SETBP1: variants seen among roughly 807,000 people sequenced by gnomAD.
SETBP1 encodes SET-binding protein.
A neutral mutation model predicts 101.0 loss-of-function variants in SETBP1; 9 were observed. That is an observed-to-expected ratio of 0.09 (90% confidence interval 0.05 to 0.16). The LOEUF (loss-of-function observed/expected upper bound fraction) is 0.16. Ranked by LOEUF, SETBP1 falls within the 10% of genes least tolerant of loss-of-function variation. SETBP1 has a pLI of 1.00. For missense variants in SETBP1, 1,858 were observed against 2,033.8 expected (o/e 0.91, Z 1.66); for synonymous variants, 818 against 788.5 (o/e 1.04, Z -0.63).
intron 2 of SETBP1, among the ~76,000 whole-genome samples, chr18:44,841,880 C>G (rs2072624720): frequency 5.3e-5 from 8 of 152,230 alleles, no homozygotes; most frequent in Admixed American, 5.2e-4. Context: ...TATACCATAA[C>G]TGCAGCAGCA....
intron 2 of SETBP1, chr18:44,733,117 C>G (rs1302700802): frequency 6.6e-6 from 1 of 152,162 alleles, no homozygotes; most frequent in Non-Finnish European, 1.5e-5. Flanking sequence ...TTAGAGACCT[C>G]TAAATCTCAC....
At chr18:44,937,243 G>C (rs1425435867) in intron 3 of SETBP1, among the ~76,000 whole-genome samples, 1 of 151,766 alleles carries the variant, frequency 6.6e-6, no homozygotes, top group South Asian at 2.1e-4. Context: ...ACGAGGTTAG[G>C]AGATCGAGAC....
intron 1 of SETBP1, among the ~76,000 whole-genome samples, chr18:44,685,598 C>T (rs980792429): frequency 2.6e-5 from 4 of 152,114 alleles, no homozygotes; most frequent in East Asian, 1.9e-4. Context: ...TCTGAGCCTC[C>T]GGAACCTAAT....
intron 2 of SETBP1, among the ~76,000 whole-genome samples, chr18:44,836,889 C>T (rs1356971488): frequency 1.3e-5 from 2 of 152,212 alleles, no homozygotes; most frequent in Non-Finnish European, 2.9e-5. Context: ...ATTTGAGCCA[C>T]TGCAGTTTTG....
At chr18:44,837,250 A>G (rs1050740782) in intron 2 of SETBP1, among the ~76,000 whole-genome samples, 2 of 152,186 alleles carry the variant, frequency 1.3e-5, no homozygotes, top group Admixed American at 1.3e-4. Context: ...AGCACAGAAT[A>G]AGAGTGCTTC....
chr18:44,742,997 G>A (rs1329817232), intron 2 of SETBP1, among the ~76,000 whole-genome samples: 1 of 134,916 alleles, frequency 7.4e-6, no homozygotes, highest in African/African-American at 2.9e-5. Flanking sequence ...ACCCCTTTCT[G>A]TCTCACTCCC....
rs558597661 is a variant in SETBP1, at chr18:44,767,256, C to G, written c.486+65424C>G. 2.0e-5 allele frequency among the ~76,000 whole-genome samples: 3 copies of G among 152,302 alleles called. No individual in the cohort carries two copies. In the South Asian group the frequency reaches 6.2e-4, roughly 32 times the overall value. Reference sequence around the variant, plus strand: ...TCCTCCTTCCCAAGGTTCTACAGTCCTTTATTCCTTTCCCTTCTTACTAGT... The same window carrying G: ...TCCTCCTTCCCAAGGTTCTACAGTCGTTTATTCCTTTCCCTTCTTACTAGT... On this transcript the variant is annotated intron_variant, in intron 2 of 5. Transcript: ENST00000649279.
At chr18:44,899,026 G>A (rs143753060) in intron 3 of SETBP1, among the ~76,000 whole-genome samples, 6 of 152,130 alleles carry the variant, frequency 3.9e-5, no homozygotes, top group African/African-American at 9.7e-5. Context: ...GTCTCATATC[G>A]GGAGATACTG....
chr18:44,821,242 A>G (rs2072109381), intron 2 of SETBP1, among the ~76,000 whole-genome samples: 1 of 152,184 alleles, frequency 6.6e-6, no homozygotes, highest in Non-Finnish European at 1.5e-5. Flanking sequence ...GCATTGCTTA[A>G]CAGGCCCTAC....
chr18:44,859,787 A>G (rs1444896211), intron 2 of SETBP1, among the ~76,000 whole-genome samples: 2 of 152,092 alleles, frequency 1.3e-5, no homozygotes, highest in South Asian at 2.1e-4. Context: ...AGATTCTCCT[A>G]TTTTTCCTGC....
intron 4 of SETBP1, among the ~76,000 whole-genome samples, chr18:44,994,009 G>A (rs915331083): frequency 7.9e-5 from 12 of 151,978 alleles, no homozygotes; most frequent in African/African-American, 2.9e-4. Flanking sequence ...TAATAAATCT[G>A]ACTATCTTAA....
chr18:44,811,010 T>C (rs1381634742), intron 2 of SETBP1, among the ~76,000 whole-genome samples: 1 of 152,178 alleles, frequency 6.6e-6, no homozygotes, highest in Non-Finnish European at 1.5e-5. Context: ...ATTTTCCAGA[T>C]TAGAATGCTG....
At chr18:44,924,400 T>G (rs1209176097) in intron 3 of SETBP1, among the ~76,000 whole-genome samples, 3 of 152,192 alleles carry the variant, frequency 2.0e-5, no homozygotes, top group Non-Finnish European at 2.9e-5. Context: ...TTTAGAGCTT[T>G]GAAGAGTGAA....
intron 4 of SETBP1, among the ~76,000 whole-genome samples, chr18:45,009,969 C>T (rs961942797): frequency 6.6e-6 from 1 of 152,264 alleles, no homozygotes; most frequent in East Asian, 1.9e-4. Context: ...GCCTTTGGTA[C>T]ACAGATCAAT....
intron 2 of SETBP1, among the ~76,000 whole-genome samples, chr18:44,834,654 A>C (rs1192737903): frequency 6.6e-6 from 1 of 152,238 alleles, no homozygotes; most frequent in Middle Eastern, 3.2e-3. Context: ...TCAATCAAAT[A>C]ATTACTGTAC....
At chr18:44,949,210 C>A (rs1277518877) in intron 3 of SETBP1, among the ~76,000 whole-genome samples, 1 of 152,150 alleles carries the variant, frequency 6.6e-6, no homozygotes, top group Non-Finnish European at 1.5e-5. Context: ...CCTCGATTGG[C>A]CCACTTTTTC....
intron 4 of SETBP1, among the ~76,000 whole-genome samples, chr18:45,008,975 G>A (rs1375581268): frequency 2.0e-5 from 3 of 152,188 alleles, no homozygotes; most frequent in African/African-American, 4.8e-5. Flanking sequence ...GGTGCCTCAC[G>A]TGGAGCTGGC....
chr18:44,793,610 A>G (rs2071409678), intron 2 of SETBP1, among the ~76,000 whole-genome samples: 2 of 152,234 alleles, frequency 1.3e-5, no homozygotes, highest in Non-Finnish European at 2.9e-5. Flanking sequence ...TGCATGAGAC[A>G]GTTTGAAAAG....
At chr18:44,860,702 G>A in intron 2 of SETBP1, among the ~76,000 whole-genome samples, 1 of 151,330 alleles carries the variant, frequency 6.6e-6, no homozygotes, top group East Asian at 1.9e-4. Flanking sequence ...AGCCAAGACT[G>A]TGCCACTGCA....
Sources: allele counts gnomAD v4.1 joint callset (sites outside exome capture counted in the v4.1 genomes callset), GRCh38; gene constraint gnomAD v4.1.1; transcripts MANE v1.5; gene names NCBI Gene and HGNC (gene_info 2026-07-23, HGNC 2026-07-21).